ZSCAN5A: variants seen among roughly 807,000 people sequenced by gnomAD.
The protein encoded by ZSCAN5A is zinc finger and SCAN domain-containing protein 5A.
ZSCAN5A carries 12 observed loss-of-function variants against 23.7 expected under a neutral mutation model. The observed-to-expected ratio is 0.51, with a 90% confidence interval of 0.32 to 0.82. ZSCAN5A has a LOEUF of 0.82. ZSCAN5A is among the 40% of genes least tolerant of loss of function. ZSCAN5A has a pLI of 0.03. For missense variants in ZSCAN5A, 597 were observed against 617.9 expected (o/e 0.97, Z 0.36); for synonymous variants, 257 against 239.9 (o/e 1.07, Z -0.66).
intron 2 of ZSCAN5A, among the ~76,000 whole-genome samples, chr19:56,335,882 T>C (rs2041530745): frequency 6.6e-6 from 1 of 152,216 alleles, no homozygotes; most frequent in African/African-American, 2.4e-5. Flanking sequence ...GGGTTGAAAA[T>C]TCTTTTCTTT....
chr19:56,260,978 CG>C (rs1043062498), intron 2 of ZSCAN5A, among the ~76,000 whole-genome samples: 9 of 151,738 alleles, frequency 5.9e-5, no homozygotes, highest in African/African-American at 2.2e-4. Flanking sequence ...GAGGCCGAGG[CG>C]GGTGGATCAT....
At chr19:56,269,976 C>T (rs935883977) in intron 2 of ZSCAN5A, among the ~76,000 whole-genome samples, 9 of 152,042 alleles carry the variant, frequency 5.9e-5, no homozygotes, top group African/African-American at 1.7e-4. Context: ...TCAGGCCAGC[C>T]GTAGTGTGGT....
Position 56,313,279 on chromosome 19 carries a change from T to C in ZSCAN5A, c.-128+4A>G. 2 of 347,114 alleles carry C rather than the reference T, an allele frequency of 5.8e-6. No individual in the cohort carries two copies. The highest frequency in any genetic ancestry group is 3.3e-5 in the Admixed American group (1 of 30,218). 21.5% of individuals were successfully genotyped at this position (347,114 alleles called of 1,614,324 possible). A position where few individuals can be genotyped will look rare whatever the true frequency, so the allele number is the denominator to read the frequency against. The stretch of plus-strand genomic sequence containing the variant: ...TTTACAAAAGAAAGGTTTAATGGAC[T>C]TACAGTTTCACGTGGCTGGGGAGGC... On this transcript the variant is annotated splice_donor_region_variant and intron_variant, in intron 2 of 5. Transcript: ENST00000683990.
chr19:56,258,864 A>T (rs2036919923), intron 2 of ZSCAN5A, among the ~76,000 whole-genome samples: 1 of 152,084 alleles, frequency 6.6e-6, no homozygotes, highest in African/African-American at 2.4e-5. Flanking sequence ...CCTCCCCCTT[A>T]AGTGCACGAA....
intron 2 of ZSCAN5A, among the ~76,000 whole-genome samples, chr19:56,226,438 CAT>C (rs2033945133): frequency 1.3e-5 from 2 of 152,188 alleles, no homozygotes; most frequent in Admixed American, 1.3e-4. Context: ...CAGATGAAGA[CAT>C]GTGAATGGCC....
At chr19:56,304,296 T>A (rs949026003) in intron 2 of ZSCAN5A, among the ~76,000 whole-genome samples, 2 of 152,128 alleles carry the variant, frequency 1.3e-5, no homozygotes. Flanking sequence ...ACCAGGGAGA[T>A]GAGCCTGAGA....
At position 56,221,682 on chromosome 19, in the gene ZSCAN5A, G is replaced by A; in HGVS notation, c.1384C>T (p.His462Tyr). 1 of 1,614,246 alleles carries A rather than the reference G, an allele frequency of 6.2e-7. No homozygotes were observed. Among genetic ancestry groups the A allele is most frequent in the Non-Finnish European group, 8.5e-7 (1 of 1,180,048 alleles). Residue 462 changes from histidine to tyrosine, a missense_variant, in exon 6 of 6, where the codon CAC (histidine) becomes TAC (tyrosine). By Grantham distance (83) the His-to-Tyr change is moderately conservative (BLOSUM62 2). This residue lies in a region of ZSCAN5A where 87 missense variants were observed against 74.4 expected (regional missense o/e 1.17). Coordinates refer to ENST00000683990, the MANE Select transcript of ZSCAN5A (RefSeq NM_001322064.3). ...CATTTGTAGGGTTTCTCTCCGGAGT[G>A]GATGCGCTGGTGCTCCTTCAGGCTC... Reference protein sequence around the residue: ...RGSLKEHQRIHSGEKPYKCSK... With the variant: ...RGSLKEHQRIYSGEKPYKCSK...
intron 2 of ZSCAN5A, among the ~76,000 whole-genome samples, chr19:56,282,126 C>T (rs771594657): frequency 2.6e-5 from 4 of 152,086 alleles, no homozygotes; most frequent in Admixed American, 2.0e-4. Context: ...GTGGGTAAGA[C>T]GTCTTCCTTT....
intron 2 of ZSCAN5A, among the ~76,000 whole-genome samples, chr19:56,304,168 G>C (rs2147296705): frequency 6.6e-6 from 1 of 152,348 alleles, no homozygotes; most frequent in African/African-American, 2.4e-5. Context: ...GACACACTGA[G>C]AGGAGGCCCG....
chr19:56,353,427 C>T lies in ZSCAN5A; in HGVS notation c.-358+9808G>A, dbSNP rs2041680010. On this transcript the variant is annotated intron_variant, in intron 2 of 6. Coordinates refer to the ZSCAN5A transcript ENST00000587340. Reference sequence around the variant, plus strand: ...TTATTTCACTTAACATAATTTCTTCCAGTTCCCTCCCTCCATGTTGGCTGC... The same window carrying T: ...TTATTTCACTTAACATAATTTCTTCTAGTTCCCTCCCTCCATGTTGGCTGC... Among the ~76,000 whole-genome samples, 3 of 152,228 alleles carry T rather than the reference C, an allele frequency of 2.0e-5. No homozygotes were observed. In the South Asian group the frequency reaches 6.2e-4, roughly 32 times the overall value.
chr19:56,342,895 C>T, intron 2 of ZSCAN5A: 2 of 1,029,936 alleles, frequency 1.9e-6, no homozygotes, highest in Non-Finnish European at 3.1e-6. Context: ...AGGTAGTCTC[C>T]CCATCCTGAG....
intron 2 of ZSCAN5A, among the ~76,000 whole-genome samples, chr19:56,278,392 C>A (rs2038426730): frequency 6.6e-6 from 1 of 152,110 alleles, no homozygotes; most frequent in African/African-American, 2.4e-5. Context: ...CCTCGGTCTC[C>A]CAAAGTGCTG....
At chr19:56,313,961 G>T (rs746574172) in intron 1 of ZSCAN5A, among the ~76,000 whole-genome samples, 3 of 152,118 alleles carry the variant, frequency 2.0e-5, no homozygotes, top group African/African-American at 7.2e-5. Flanking sequence ...AGCCCCCAGG[G>T]GACATTTGGC....
At chr19:56,323,544 T>C (rs2041402347) in intron 2 of ZSCAN5A, among the ~76,000 whole-genome samples, 1 of 151,468 alleles carries the variant, frequency 6.6e-6, no homozygotes, top group African/African-American at 2.4e-5. Flanking sequence ...TTTTTTTTTT[T>C]TTTTTTTTTG....
intron 2 of ZSCAN5A, among the ~76,000 whole-genome samples, chr19:56,285,743 TG>T (rs763589508): frequency 7.2e-5 from 11 of 152,198 alleles, no homozygotes; most frequent in Non-Finnish European, 1.3e-4. Context: ...CCTCCCAAAG[TG>T]CTGGGATTAC....
chr19:56,245,181 G>A (rs1042390395), intron 2 of ZSCAN5A: 3 of 507,772 alleles, frequency 5.9e-6, no homozygotes, highest in Admixed American at 6.1e-5. Flanking sequence ...GCTACTTTCA[G>A]GTTCTCATAG....
chr19:56,251,066 C>T (rs185481610), intron 2 of ZSCAN5A, among the ~76,000 whole-genome samples: 1 of 151,312 alleles, frequency 6.6e-6, no homozygotes, highest in African/African-American at 2.4e-5. Context: ...AGGAGAATCG[C>T]TTGAACCCGG....
chr19:56,247,872 T>C (rs1178564032), intron 2 of ZSCAN5A, among the ~76,000 whole-genome samples: 1 of 152,010 alleles, frequency 6.6e-6, no homozygotes, highest in African/African-American at 2.4e-5. Context: ...TTTGTACTTT[T>C]AGTAGAGACG....
chr19:56,311,110 T>C (rs2041008568), intron 2 of ZSCAN5A, among the ~76,000 whole-genome samples: 1 of 152,176 alleles, frequency 6.6e-6, no homozygotes, highest in Non-Finnish European at 1.5e-5. Context: ...GTTGTTGTTG[T>C]ATAGGTCTAT....
Sources: allele counts gnomAD v4.1 joint callset (sites outside exome capture counted in the v4.1 genomes callset), GRCh38; gene constraint gnomAD v4.1.1; regional missense constraint gnomAD v4.1.1; transcripts MANE v1.5; gene names NCBI Gene and HGNC (gene_info 2026-07-23, HGNC 2026-07-21).